Variants in HS3ST4 observed in about 807,000 individuals in gnomAD.
HS3ST4 encodes heparan sulfate-glucosamine 3-sulfotransferase 4, also known as heparan sulfate glucosamine 3-O-sulfotransferase 4.
Under a neutral mutation model 29.2 loss-of-function variants are expected in HS3ST4, and 17 were observed. The ratio of observed to expected loss-of-function variants is 0.58; its 90% CI spans 0.40 to 0.87. The LOEUF (loss-of-function observed/expected upper bound fraction) is 0.87. Ranked by LOEUF, HS3ST4 falls within the 40% of genes least tolerant of loss-of-function variation. The pLI, the probability that HS3ST4 is intolerant of heterozygous loss-of-function variation, is 0.00. For missense variants in HS3ST4, 627 were observed against 634.5 expected, an observed-to-expected ratio of 0.99 and a Z score of 0.13; for synonymous variants, 314 against 285.7, an observed-to-expected ratio of 1.10 and a Z score of -1.00.
chr16:26,105,849 C>T (rs752642830), intron 1 of HS3ST4, among the ~76,000 whole-genome samples: 9 of 152,348 alleles, frequency 5.9e-5, no homozygotes, highest in South Asian at 2.1e-4. Context: ...GTGCACATAT[C>T]GAATTGCCTC....
intron 1 of HS3ST4, among the ~76,000 whole-genome samples, chr16:25,729,555 C>T (rs556389169): frequency 4.6e-5 from 7 of 152,280 alleles, no homozygotes; most frequent in Non-Finnish European, 8.8e-5. Flanking sequence ...GGATTGCAAT[C>T]GCAAAGACAG....
chr16:26,002,940 CATT>C (rs756529184), intron 1 of HS3ST4, among the ~76,000 whole-genome samples: 2 of 136,940 alleles, frequency 1.5e-5, no homozygotes, highest in Non-Finnish European at 3.1e-5. Flanking sequence ...TGCATTCTTA[CATT>C]TTTTTTTTTT....
intron 1 of HS3ST4, among the ~76,000 whole-genome samples, chr16:25,880,876 T>C (rs1967887738): frequency 6.6e-6 from 1 of 152,246 alleles, no homozygotes; most frequent in African/African-American, 2.4e-5. Flanking sequence ...TGGATTTTTA[T>C]AGACTTTGGG....
chr16:25,708,590 A>C (rs1211604258), intron 1 of HS3ST4, among the ~76,000 whole-genome samples: 1 of 152,234 alleles, frequency 6.6e-6, no homozygotes, highest in African/African-American at 2.4e-5. Context: ...AAATATTATT[A>C]TAACACATAT....
intron 1 of HS3ST4, among the ~76,000 whole-genome samples, chr16:25,963,376 G>A (rs1226279765): frequency 1.3e-5 from 2 of 152,108 alleles, no homozygotes; most frequent in Admixed American, 1.3e-4. Flanking sequence ...TCCTTCTTGT[G>A]TGTCTTAGAC....
At chr16:26,051,219 T>C (rs1371697445) in intron 1 of HS3ST4, among the ~76,000 whole-genome samples, 1 of 151,110 alleles carries the variant, frequency 6.6e-6, no homozygotes, top group Non-Finnish European at 1.5e-5. Context: ...GGGTGGGGAG[T>C]GGGGAGAAAA....
intron 1 of HS3ST4, among the ~76,000 whole-genome samples, chr16:25,920,369 C>T (rs1046510560): frequency 3.9e-5 from 6 of 152,092 alleles, no homozygotes; most frequent in African/African-American, 7.2e-5. Context: ...TCATACCCTA[C>T]GGGGCCCTCC....
At chr16:25,805,063 C>G (rs1372911873) in intron 1 of HS3ST4, among the ~76,000 whole-genome samples, 2 of 151,956 alleles carry the variant, frequency 1.3e-5, no homozygotes, top group African/African-American at 4.8e-5. Context: ...GTGTTAAGAC[C>G]CCAGAGCTTG....
chr16:26,104,141 G>T (rs1338093515), intron 1 of HS3ST4, among the ~76,000 whole-genome samples: 1 of 152,156 alleles, frequency 6.6e-6, no homozygotes, highest in Non-Finnish European at 1.5e-5. Context: ...AGATAAACTG[G>T]TTCAGTTAGT....
At chr16:26,128,668 G>C (rs777357782) in intron 1 of HS3ST4, among the ~76,000 whole-genome samples, 16 of 152,226 alleles carry the variant, frequency 1.1e-4, no homozygotes, top group Non-Finnish European at 2.1e-4. Flanking sequence ...GGCAGGGCAA[G>C]GTCTTGGCTA....
intron 1 of HS3ST4, among the ~76,000 whole-genome samples, chr16:25,980,032 C>T (rs1567286361): frequency 6.6e-6 from 1 of 152,186 alleles, no homozygotes; most frequent in South Asian, 2.1e-4. Flanking sequence ...TCACTACCTC[C>T]GTCCTGGTCT....
At chr16:25,873,405 TCCATCCATCCAC>T (rs1967781913) in intron 1 of HS3ST4, among the ~76,000 whole-genome samples, 3 of 84,698 alleles carry the variant, frequency 3.5e-5, no homozygotes, top group African/African-American at 1.3e-4. Flanking sequence ...CATCCATCCA[TCCATCCATCCAC>T]CCATCCATCC....
At chr16:26,055,782 A>G (rs1265540870) in intron 1 of HS3ST4, among the ~76,000 whole-genome samples, 1 of 152,164 alleles carries the variant, frequency 6.6e-6, no homozygotes, top group African/African-American at 2.4e-5. Flanking sequence ...GATGAATAAT[A>G]TGCTGATATA....
chr16:25,897,791 T>C (rs1159317051), intron 1 of HS3ST4, among the ~76,000 whole-genome samples: 3 of 152,136 alleles, frequency 2.0e-5, no homozygotes, highest in African/African-American at 7.2e-5. Context: ...CTCTGGCTGA[T>C]GAGATGTTCT....
intron 1 of HS3ST4, among the ~76,000 whole-genome samples, chr16:26,019,996 A>G (rs1969397185): frequency 6.6e-6 from 1 of 152,136 alleles, no homozygotes; most frequent in African/African-American, 2.4e-5. Context: ...AAAACTGTCA[A>G]AACACTTCTG....
intron 1 of HS3ST4, among the ~76,000 whole-genome samples, chr16:25,804,285 A>T (rs1292294346): frequency 2.0e-5 from 3 of 152,180 alleles, no homozygotes; most frequent in Non-Finnish European, 4.4e-5. Context: ...AAATAATTTT[A>T]ACCTTTTTCA....
chr16:26,119,878 T>C (rs113002212), intron 1 of HS3ST4, among the ~76,000 whole-genome samples: 12 of 152,184 alleles, frequency 7.9e-5, no homozygotes, highest in Non-Finnish European at 1.5e-5. Context: ...AATGAACATA[T>C]GAACAAGGTA....
intron 1 of HS3ST4, among the ~76,000 whole-genome samples, chr16:25,992,177 G>C (rs944500763): frequency 6.6e-6 from 1 of 152,184 alleles, no homozygotes; most frequent in African/African-American, 2.4e-5. Context: ...GGACAAACGA[G>C]ATATTTATGA....
intron 1 of HS3ST4, among the ~76,000 whole-genome samples, chr16:25,923,276 A>T (rs1423202784): frequency 6.6e-6 from 1 of 152,196 alleles, no homozygotes; most frequent in South Asian, 2.1e-4. Context: ...GCTGATGCTA[A>T]TTGGAAGATA....
Sources: allele counts gnomAD v4.1 joint callset (sites outside exome capture counted in the v4.1 genomes callset), GRCh38; gene constraint gnomAD v4.1.1; transcripts MANE v1.5; gene names NCBI Gene and HGNC (gene_info 2026-07-23, HGNC 2026-07-21).